The following GLIPR2 variants were observed in gnomAD, a reference collection of about 807,000 sequenced individuals.
GLIPR2 encodes GLI pathogenesis related 2.
In GLIPR2, 21 loss-of-function variants were observed where a neutral mutation model predicts 20.4. The ratio of observed to expected loss-of-function variants is 1.03; its 90% CI spans 0.73 to 1.48. The LOEUF (loss-of-function observed/expected upper bound fraction) is 1.48. Ranked by LOEUF, GLIPR2 falls within the 40% of genes most tolerant of loss-of-function variation. GLIPR2 has a pLI of 0.00. For missense variants in GLIPR2, 205 were observed against 200.1 expected (o/e 1.02, Z -0.15); for synonymous variants, 91 against 80.5 (o/e 1.13, Z -0.70).
Position 36,162,620 on chromosome 9 carries a change from A to C in GLIPR2, c.*98A>C. The C allele has an allele frequency of 8.2e-7, 1 of 1,214,486 alleles. No homozygotes were observed. Among genetic ancestry groups the C allele is most frequent in the Non-Finnish European group, 1.2e-6 (1 of 850,176 alleles). 75.2% of individuals were successfully genotyped at this position (1,214,486 alleles called of 1,614,324 possible). A position where few individuals can be genotyped will look rare whatever the true frequency, so the allele number is the denominator to read the frequency against. On this transcript the variant is annotated 3_prime_UTR_variant, in exon 5 of 5. Transcript: ENST00000377960. ...GCTGTGCGTCTGTCCCTGTGGGTGT[A>C]TGTGCTTGTGTGTGTGATGCATGTG...
In GLIPR2 at chr9:36,148,013, C is replaced by T. The variant is rs1479704396; in HGVS notation, c.122+119C>T. 3 of 714,594 alleles carry T rather than the reference C, an allele frequency of 4.2e-6. No individual in the cohort carries two copies. In the African/African-American group the frequency reaches 5.2e-5, roughly 12 times the overall value. 44.3% of individuals were successfully genotyped at this position (714,594 alleles called of 1,614,324 possible). A position where few individuals can be genotyped will look rare whatever the true frequency, so the allele number is the denominator to read the frequency against. On this transcript the variant is annotated intron_variant, in intron 2 of 4. Coordinates refer to ENST00000377960, the MANE Select transcript of GLIPR2 (RefSeq NM_022343.4). Reference sequence around the variant, plus strand: ...CTGTAATTTCAGCACTTTCAGAGGCCAAGGCGGGCGGATCACCTGAGGTCA... The same window carrying T: ...CTGTAATTTCAGCACTTTCAGAGGCTAAGGCGGGCGGATCACCTGAGGTCA...
In GLIPR2 at chr9:36,163,632, C is replaced by G. The variant is rs1166468770; in HGVS notation, c.*1110C>G. 6.6e-6 allele frequency: 1 copy of G among 152,592 alleles called. No individual in the cohort carries two copies. Among genetic ancestry groups the G allele is most frequent in the African/African-American group, 2.4e-5 (1 of 41,482 alleles). The allele number at this position is 152,592 out of a possible 1,614,324, so 9.5% of individuals were successfully genotyped here. ...GTTCTGTGTTTTGCCTGAAACGATACCAGGTTCCCCTGAATAGCAACTTTA... is the reference window on the plus strand; with the variant it reads ...GTTCTGTGTTTTGCCTGAAACGATAGCAGGTTCCCCTGAATAGCAACTTTA... On this transcript the variant is annotated 3_prime_UTR_variant, in exon 5 of 5. Coordinates refer to ENST00000377960, the MANE Select transcript of GLIPR2 (RefSeq NM_022343.4).
chr9:36,152,333 T>G (rs1825620848), intron 4 of GLIPR2, among the ~76,000 whole-genome samples: 1 of 152,228 alleles, frequency 6.6e-6, no homozygotes, highest in Non-Finnish European at 1.5e-5. Flanking sequence ...GAAGACTTCT[T>G]ATTTCATAGC....
intron 1 of GLIPR2, among the ~76,000 whole-genome samples, chr9:36,142,042 G>A (rs1011741176): frequency 6.6e-6 from 1 of 152,096 alleles, no homozygotes; most frequent in African/African-American, 2.4e-5. Flanking sequence ...TGGCCCCCTG[G>A]TAACCTGCAC....
chr9:36,144,813 T>TA (rs1825256189), intron 1 of GLIPR2: 1 of 152,264 alleles, frequency 6.6e-6, no homozygotes, highest in Non-Finnish European at 1.5e-5. Flanking sequence ...GACCTGCAGT[T>TA]ACCTTCACCT....
intron 4 of GLIPR2, 192 bp downstream of exon 4, chr9:36,151,141 A>T: frequency 1.7e-6 from 1 of 596,030 alleles, no homozygotes; most frequent in Non-Finnish European, 3.0e-6. Flanking sequence ...CAGCTTCCCC[A>T]TGCTACATGC....
upstream of GLIPR2, chr9:36,136,713 C>T (rs923484132): frequency 5.4e-6 from 6 of 1,117,510 alleles, no homozygotes; most frequent in Non-Finnish European, 5.6e-6. The surrounding 1 kb of genome is among the most constrained non-coding windows in gnomAD (Gnocchi z 4.3). Context: ...GGCTCTGGGG[C>T]GGCGCTGGGC....
At chr9:36,155,937 C>G (rs974926874) in intron 4 of GLIPR2, among the ~76,000 whole-genome samples, 1 of 151,740 alleles carries the variant, frequency 6.6e-6, no homozygotes, top group Non-Finnish European at 1.5e-5. Context: ...AGGCTGGGCA[C>G]GGCAGCTCAC....
intron 1 of GLIPR2, among the ~76,000 whole-genome samples, chr9:36,141,190 C>A (rs1161603347): frequency 2.0e-5 from 3 of 152,142 alleles, no homozygotes; most frequent in Non-Finnish European, 4.4e-5. Context: ...GAGGTAGATA[C>A]TGCTGTTCTC....
intron 1 of GLIPR2, among the ~76,000 whole-genome samples, chr9:36,140,054 G>T (rs1825005818): frequency 6.6e-6 from 1 of 152,104 alleles, no homozygotes; most frequent in Admixed American, 6.5e-5. Flanking sequence ...TGAGTACCTT[G>T]CCCAAGCTCA....
intron 4 of GLIPR2, 114 bp from the exon 5 acceptor site, chr9:36,162,248 A>C: frequency 6.3e-7 from 1 of 1,599,466 alleles, no homozygotes; most frequent in African/African-American, 1.3e-5. Flanking sequence ...TGTGAAGACC[A>C]TGCTGACCTG....
Position 36,162,405 on chromosome 9 carries a change from C to A in GLIPR2, c.348C>A (p.Gly116=), listed in dbSNP as rs778318910. The A allele has an allele frequency of 1.2e-6, 2 of 1,613,918 alleles. No individual in the cohort carries two copies. Among genetic ancestry groups the A allele is most frequent in the Admixed American group, 1.7e-5 (1 of 59,970 alleles). The stretch of plus-strand genomic sequence containing the variant: ...TATGGAAGAACACCAAGAAGATGGG[C>A]GTGGGGAAGGCGTCCGCAAGTGACG... The part of the protein sequence containing the change: ...AMVWKNTKKM[G]VGKASASDGS... Residue 116 remains glycine, a synonymous_variant, in exon 5 of 5, where the codon GGC becomes GGA. Coordinates refer to ENST00000377960, the MANE Select transcript of GLIPR2 (RefSeq NM_022343.4).
At chr9:36,145,598 G>GGATGGATGAGTAATGTTA (rs1347221785) in intron 1 of GLIPR2, among the ~76,000 whole-genome samples, 4 of 152,166 alleles carry the variant, frequency 2.6e-5, no homozygotes, top group Non-Finnish European at 5.9e-5. Context: ...GAATGATGCT[G>GGATGGATGAGTAATGTTA]GATGGATGAG....
chr9:36,148,489 A>G, intron 2 of GLIPR2, 58 bp from the exon 3 acceptor site: 1 of 1,291,618 alleles, frequency 7.7e-7, no homozygotes, highest in Non-Finnish European at 1.1e-6. Flanking sequence ...CTTGGGGCAC[A>G]TACTTTGGGG....
At position 36,163,202 on chromosome 9, in the gene GLIPR2, A is replaced by C. The variant is rs1388427782; in HGVS notation, c.*680A>C. 3 of 249,342 alleles carry C rather than the reference A, an allele frequency of 1.2e-5. No individual in the cohort carries two copies. The highest frequency in any genetic ancestry group is 2.4e-5 in the Non-Finnish European group (3 of 125,462). The allele number at this position is 249,342 out of a possible 1,614,324, so 15.4% of individuals were successfully genotyped here. ...CTTTAAATAGCAAAGTACCACTACC[A>C]CCACCACCTCTTGCCCCCTTCCCTC... On this transcript the variant is annotated 3_prime_UTR_variant, in exon 5 of 5. Transcript: ENST00000377960.
At chr9:36,142,622 A>T (rs1255132595) in intron 1 of GLIPR2, among the ~76,000 whole-genome samples, 3 of 151,956 alleles carry the variant, frequency 2.0e-5, no homozygotes, top group Non-Finnish European at 2.9e-5. Flanking sequence ...CAAAATAAGG[A>T]CGTCATCCCT....
rs147138796 is a variant in GLIPR2, at chr9:36,137,243, G to A, written c.13+452G>A. ...GCCCGCGCCGTGCCGGGCTCCCCCT[G>A]TGCTAGGCTCGGTCTGGCTCCCTTT... On this transcript the variant is annotated intron_variant, in intron 1 of 4. Transcript: ENST00000377960. 1.9e-3 allele frequency among the ~76,000 whole-genome samples: 292 copies of A among 152,310 alleles called. 2 individuals carry two copies. Among genetic ancestry groups the A allele is most frequent in the Non-Finnish European group, 3.2e-3 (221 of 68,014 alleles).
chr9:36,158,272 T>C (rs995747086), intron 4 of GLIPR2, among the ~76,000 whole-genome samples: 1 of 152,234 alleles, frequency 6.6e-6, no homozygotes, highest in Non-Finnish European at 1.5e-5. Context: ...TGCCATACTG[T>C]CTTCCAGAGC....
chr9:36,140,118 T>C (rs11791833), intron 1 of GLIPR2, among the ~76,000 whole-genome samples: 35,854 of 152,112 alleles, frequency 0.24, 4,417 homozygotes, highest in East Asian at 0.34. Flanking sequence ...CTGACTCCCC[T>C]ACTGTGTCCT....
Sources: allele counts gnomAD v4.1 joint callset (sites outside exome capture counted in the v4.1 genomes callset), GRCh38; gene constraint gnomAD v4.1.1; non-coding constraint Gnocchi (gnomAD v3.1); transcripts MANE v1.5; gene names NCBI Gene and HGNC (gene_info 2026-07-23, HGNC 2026-07-21).